The following WARS1 variants were observed in gnomAD, a reference collection of about 807,000 sequenced individuals.
The protein encoded by WARS1 is tryptophan--tRNA ligase, cytoplasmic.
WARS1 carries 17 observed loss-of-function variants against 47.8 expected under a neutral mutation model. The ratio of observed to expected loss-of-function variants is 0.36; its 90% confidence interval spans 0.24 to 0.53. The LOEUF is 0.53. Among genes scored for constraint, WARS1 ranks in the 20% least tolerant of loss-of-function variants. WARS1 has a pLI of 0.91. For missense variants in WARS1, 434 were observed against 608.0 expected (o/e 0.71, Z 3.01); for synonymous variants, 208 against 228.1 (o/e 0.91, Z 0.79).
intron 8 of WARS1, among the ~76,000 whole-genome samples, chr14:100,342,845 G>A (rs1027551829): frequency 1.3e-5 from 2 of 150,438 alleles, no homozygotes; most frequent in South Asian, 2.1e-4. Flanking sequence ...TTTAAGCCCC[G>A]CATGCATTAG....
intron 3 of WARS1, among the ~76,000 whole-genome samples, chr14:100,361,505 T>C (rs554239546): frequency 1.3e-5 from 2 of 152,390 alleles, no homozygotes; most frequent in South Asian, 2.1e-4. Context: ...TTTTGAAATA[T>C]ATTTTATATT....
At chr14:100,353,607 G>T in intron 6 of WARS1, 80 bp downstream of exon 6, 1 of 1,514,186 alleles carries the variant, frequency 6.6e-7, no homozygotes, top group Non-Finnish European at 9.0e-7. Flanking sequence ...CATTTCAGTT[G>T]TTTCGAATTT....
At chr14:100,363,416 C>G (rs1017237568) in intron 2 of WARS1, among the ~76,000 whole-genome samples, 1 of 152,126 alleles carries the variant, frequency 6.6e-6, no homozygotes, top group Non-Finnish European at 1.5e-5. Context: ...CTGATGTTAG[C>G]TGGGTGCAGT....
intron 4 of WARS1, 58 bp from the exon 5 acceptor site, chr14:100,354,624 T>C (rs1895196811): frequency 1.3e-6 from 2 of 1,551,138 alleles, no homozygotes; most frequent in Admixed American, 2.1e-5. Context: ...ATCAAGGCAC[T>C]AATGCACTTT....
At chr14:100,345,010 C>T (rs1437995261) in intron 7 of WARS1, among the ~76,000 whole-genome samples, 1 of 149,164 alleles carries the variant, frequency 6.7e-6, no homozygotes, top group African/African-American at 2.5e-5. Flanking sequence ...GGGGGGTCAG[C>T]CCCCCGCCCG....
Position 100,361,674 on chromosome 14 carries a change from G to A in WARS1, c.313+34C>T, listed in dbSNP as rs1895669915. ...CTCAATGGGACCACTTCTAAAAGTT[G>A]CAGCTTTTTCTGGGAAGAAAGCAGA... On this transcript the variant is annotated intron_variant, in intron 3 of 10. Coordinates refer to ENST00000392882, the MANE Select transcript of WARS1 (RefSeq NM_004184.4). The A allele has an allele frequency of 1.9e-6, 3 of 1,599,316 alleles. No individual in the cohort carries two copies. The South Asian group carries it at 3.3e-5, about 18-fold the overall frequency.
At chr14:100,376,315 C>A, upstream of WARS1, 1 of 1,124,142 alleles carries the variant, frequency 8.9e-7, no homozygotes, top group Non-Finnish European at 1.1e-6. Flanking sequence ...GTCTCCTGGG[C>A]GTCCGTGGAA....
chr14:100,375,674 C>T (rs1398719080), upstream of WARS1: 1 of 152,250 alleles, frequency 6.6e-6, no homozygotes, highest in East Asian at 1.9e-4. Context: ...CGTTCCCCAC[C>T]CTCAGCGTCA....
At chr14:100,363,214 C>T (rs565173223) in intron 2 of WARS1, among the ~76,000 whole-genome samples, 2 of 152,212 alleles carry the variant, frequency 1.3e-5, no homozygotes, top group South Asian at 4.1e-4. Flanking sequence ...ACATTTCATA[C>T]TCTATCTGGT....
chr14:100,341,956 A>C (rs1595410974), intron 9 of WARS1: 1 of 270,444 alleles, frequency 3.7e-6, no homozygotes, highest in Non-Finnish European at 7.4e-6. Flanking sequence ...GAATAGCACC[A>C]CCACCTCCCA....
At chr14:100,343,467 G>C (rs1595414418) in intron 7 of WARS1, 80 bp from the exon 8 acceptor site, 1 of 997,320 alleles carries the variant, frequency 1.0e-6, no homozygotes, top group South Asian at 1.7e-5. Flanking sequence ...ACAAAAACAG[G>C]TTTTCTCCCA....
At chr14:100,340,730 C>T (rs544663456) in intron 9 of WARS1, among the ~76,000 whole-genome samples, 4 of 152,132 alleles carry the variant, frequency 2.6e-5, no homozygotes, top group South Asian at 4.1e-4. Flanking sequence ...AAGTCGGGCA[C>T]GGGGATTTAG....
intron 2 of WARS1, chr14:100,365,927 C>G (rs1177955561): frequency 4.6e-6 from 2 of 437,630 alleles, no homozygotes; most frequent in African/African-American, 4.0e-5. Context: ...CCCAAAGGTT[C>G]GGGCCTTAGT....
chr14:100,342,134 GA>G (rs1483528534), intron 9 of WARS1: 1 of 440,244 alleles, frequency 2.3e-6, no homozygotes, highest in Non-Finnish European at 4.2e-6. Flanking sequence ...GTGCTGATAA[GA>G]AAAGCAGAAA....
chr14:100,335,174 G>T (rs1893634255), intron 10 of WARS1, 138 bp from the exon 11 acceptor site: 1 of 735,624 alleles, frequency 1.4e-6, no homozygotes, highest in Non-Finnish European at 2.2e-6. Context: ...GAGATCTGTT[G>T]TTACCACAAC....
chr14:100,339,124 TAC>T (rs796168229), intron 9 of WARS1, among the ~76,000 whole-genome samples: 10 of 144,418 alleles, frequency 6.9e-5, no homozygotes, highest in African/African-American at 1.3e-4. Flanking sequence ...CACACACACA[TAC>T]ACACACACAC....
intron 6 of WARS1, among the ~76,000 whole-genome samples, chr14:100,350,491 A>C (rs1242840102): frequency 6.6e-6 from 1 of 151,788 alleles, no homozygotes; most frequent in Non-Finnish European, 1.5e-5. Context: ...AGCACGAGGA[A>C]TGGCGGCCTC....
intron 1 of WARS1, among the ~76,000 whole-genome samples, chr14:100,372,615 C>T (rs1896417887): frequency 6.6e-6 from 1 of 152,228 alleles, no homozygotes; most frequent in Admixed American, 6.5e-5. Flanking sequence ...AAATCCATTT[C>T]TCTCTAAGGT....
intron 6 of WARS1, among the ~76,000 whole-genome samples, chr14:100,349,362 G>C (rs910383547): frequency 6.6e-6 from 1 of 152,168 alleles, no homozygotes; most frequent in Admixed American, 6.5e-5. Context: ...CTGAGATAAT[G>C]GTTTTGCTCC....
Sources: gnomAD v4.1 joint callset for allele counts (sites outside exome capture counted in the v4.1 genomes callset) on GRCh38, gnomAD v4.1.1 for gene constraint, MANE v1.5 for transcripts, NCBI Gene and HGNC (gene_info 2026-07-23, HGNC 2026-07-21) for gene names.